ABCC4: variants seen among roughly 807,000 people sequenced by gnomAD.
ABCC4 encodes ATP-binding cassette sub-family C member 4.
In ABCC4, 102 loss-of-function variants were observed where a neutral mutation model predicts 168.5. That is an observed-to-expected ratio of 0.61 (90% CI 0.52 to 0.71). ABCC4 has a LOEUF of 0.71. ABCC4 is among the 30% of genes least tolerant of loss of function. ABCC4 has a pLI of 0.00. For synonymous variants in ABCC4, 617 were observed against 590.7 expected, an observed-to-expected ratio of 1.04 and a Z score of -0.65; for missense variants, 1,402 against 1,605.8, an observed-to-expected ratio of 0.87 and a Z score of 2.17.
chr13:95,056,008 C>T (rs189975946), intron 26 of ABCC4, among the ~76,000 whole-genome samples: 67 of 152,248 alleles, frequency 4.4e-4, no homozygotes, highest in Admixed American at 2.3e-3. Context: ...AAATTACAGT[C>T]TTCCTAGAGC....
At chr13:95,044,541 A>G in intron 27 of ABCC4, 103 bp from the exon 28 acceptor site, 2 of 1,032,658 alleles carry the variant, frequency 1.9e-6, no homozygotes, top group Non-Finnish European at 2.7e-6. Context: ...CTCGAGAGAT[A>G]TAACTTAAGT....
intron 1 of ABCC4, among the ~76,000 whole-genome samples, chr13:95,271,136 C>T (rs9590228): frequency 0.36 from 55,294 of 151,760 alleles, 11,666 homozygotes; most frequent in African/African-American, 0.59. Context: ...TGGAAAAATA[C>T]ACCCAAGACG....
At chr13:95,121,042 A>AT (rs1555315786) in intron 19 of ABCC4, among the ~76,000 whole-genome samples, 1 of 152,230 alleles carries the variant, frequency 6.6e-6, no homozygotes, top group Non-Finnish European at 1.5e-5. Flanking sequence ...GTATTTCAGT[A>AT]TATCTCATCA....
In ABCC4 at chr13:95,301,102, C is replaced by T. The variant is rs987032013; in HGVS notation, c.74+139G>A. 5.2e-6 allele frequency: 4 copies of T among 774,268 alleles called. No homozygotes were observed. In the African/African-American group the frequency reaches 5.5e-5, roughly 11 times the overall value. The allele number at this position is 774,268 out of a possible 1,614,324, so 48.0% of individuals were successfully genotyped here. On this transcript the variant is annotated intron_variant, in intron 1 of 30. Coordinates refer to ENST00000645237, the MANE Select transcript of ABCC4 (RefSeq NM_005845.5). ...CGCCACCCGCAGCAGAAAGCCCCGGCGTGGACCGCGTGGCGTAGGAAAGCG... is the reference window on the plus strand; with the variant it reads ...CGCCACCCGCAGCAGAAAGCCCCGGTGTGGACCGCGTGGCGTAGGAAAGCG...
At chr13:95,065,682 G>C (rs1335964650) in intron 25 of ABCC4, among the ~76,000 whole-genome samples, 1 of 152,122 alleles carries the variant, frequency 6.6e-6, no homozygotes, top group East Asian at 1.9e-4. Context: ...TAAATTCTTA[G>C]ATGTGGAATT....
At chr13:95,228,178 T>A (rs1247629467) in intron 4 of ABCC4, among the ~76,000 whole-genome samples, 1 of 152,294 alleles carries the variant, frequency 6.6e-6, no homozygotes, top group South Asian at 2.1e-4. Flanking sequence ...TCTGTCCACA[T>A]CCACTGAGAA....
chr13:95,196,583 AGG>A (rs2038427437), intron 8 of ABCC4, among the ~76,000 whole-genome samples: 1 of 1,488 alleles, frequency 6.7e-4, no homozygotes, highest in South Asian at 6.6e-3. Flanking sequence ...GGAGGAAAGG[AGG>A]AAGGAAGGAA....
intron 30 of ABCC4, among the ~76,000 whole-genome samples, chr13:95,034,317 T>A (rs2032024731): frequency 6.6e-6 from 1 of 152,058 alleles, no homozygotes; most frequent in East Asian, 1.9e-4. Context: ...ACCCACAGAG[T>A]CTAAATGTGT....
intron 30 of ABCC4, among the ~76,000 whole-genome samples, chr13:95,025,290 C>CCCAT (rs2031420188): frequency 1.3e-5 from 1 of 75,724 alleles, no homozygotes. Context: ...CACCCCCACA[C>CCCAT]ACACCCACAT....
At chr13:95,228,674 G>C (rs2039535268) in intron 4 of ABCC4, among the ~76,000 whole-genome samples, 1 of 151,618 alleles carries the variant, frequency 6.6e-6, no homozygotes, top group Admixed American at 6.6e-5. Context: ...TGAGGCATGG[G>C]AATCACTTGA....
At chr13:95,190,765 C>T (rs1022731704) in intron 9 of ABCC4, among the ~76,000 whole-genome samples, 2 of 152,162 alleles carry the variant, frequency 1.3e-5, no homozygotes, top group African/African-American at 2.4e-5. Flanking sequence ...GTTTAAGCAG[C>T]ACATTTATAA....
At chr13:95,225,025 G>A (rs1158253304) in intron 4 of ABCC4, among the ~76,000 whole-genome samples, 1 of 152,014 alleles carries the variant, frequency 6.6e-6, no homozygotes, top group East Asian at 1.9e-4. Context: ...AATCCAGTAA[G>A]TCAGGATGCA....
chr13:95,271,669 G>A (rs948772750), intron 1 of ABCC4, among the ~76,000 whole-genome samples: 8 of 152,202 alleles, frequency 5.3e-5, no homozygotes, highest in African/African-American at 1.7e-4. Flanking sequence ...ACACTGATCT[G>A]TAATGGAACC....
intron 25 of ABCC4, among the ~76,000 whole-genome samples, chr13:95,066,329 C>T (rs11617756): frequency 6.6e-6 from 1 of 152,192 alleles, no homozygotes; most frequent in African/African-American, 2.4e-5. Flanking sequence ...AACATCTTTT[C>T]TAAACAGCCA....
At chr13:95,224,698 C>G (rs2039406125) in intron 4 of ABCC4, among the ~76,000 whole-genome samples, 1 of 151,434 alleles carries the variant, frequency 6.6e-6, no homozygotes, top group Non-Finnish European at 1.5e-5. Flanking sequence ...GATTGTGCCA[C>G]TGCACTCCAG....
Position 95,039,556 on chromosome 13 carries a change from G to A in ABCC4, c.3735+4126C>T, listed in dbSNP as rs1037129522. On this transcript the variant is annotated intron_variant, in intron 29 of 30. Coordinates refer to ENST00000645237, the MANE Select transcript of ABCC4 (RefSeq NM_005845.5). ...TAAGCCATGCATTGATGTTGGTCCCGTGGCCCCAGGATCTCTCCAGCAATG... is the reference window on the plus strand; with the variant it reads ...TAAGCCATGCATTGATGTTGGTCCCATGGCCCCAGGATCTCTCCAGCAATG... 3.5e-4 allele frequency among the ~76,000 whole-genome samples: 53 copies of A among 152,046 alleles called. 2 individuals carry two copies. Among genetic ancestry groups the A allele is most frequent in the Non-Finnish European group, 7.3e-5 (5 of 68,032 alleles).
intron 26 of ABCC4, among the ~76,000 whole-genome samples, chr13:95,058,377 T>G (rs888111980): frequency 3.3e-5 from 5 of 151,576 alleles, no homozygotes; most frequent in African/African-American, 1.2e-4. Context: ...GAGACCATCC[T>G]GGCCAACATG....
chr13:95,037,319 TC>T (rs1407360887), intron 29 of ABCC4, among the ~76,000 whole-genome samples: 1 of 152,184 alleles, frequency 6.6e-6, no homozygotes, highest in Non-Finnish European at 1.5e-5. Flanking sequence ...TTGAACATGC[TC>T]TGCTTTTACA....
At chr13:95,160,957 C>A (rs1003120479) in intron 19 of ABCC4, among the ~76,000 whole-genome samples, 1 of 152,096 alleles carries the variant, frequency 6.6e-6, no homozygotes, top group Non-Finnish European at 1.5e-5. Context: ...ATTTATTTTT[C>A]CACACACATA....
Sources: allele counts gnomAD v4.1 joint callset (sites outside exome capture counted in the v4.1 genomes callset), GRCh38; gene constraint gnomAD v4.1.1; transcripts MANE v1.5; gene names NCBI Gene and HGNC (gene_info 2026-07-23, HGNC 2026-07-21).